Variants in YWHAZ observed in about 807,000 individuals in gnomAD.
YWHAZ encodes the protein tyrosine 3-monooxygenase/tryptophan 5-monooxygenase activation protein zeta.
For synonymous variants in YWHAZ, 87 were observed against 103.6 expected (o/e 0.84, Z 0.97); for missense variants, 79 against 284.8 (o/e 0.28, Z 5.20).
intron 5 of YWHAZ, among the ~76,000 whole-genome samples, chr8:100,921,265 G>A (rs1253325247): frequency 3.9e-5 from 6 of 152,090 alleles, no homozygotes; most frequent in Admixed American, 6.6e-5. Flanking sequence ...ATCTGATCTC[G>A]TGATCCACCC....
At chr8:100,938,077 C>G (rs1029866265) in intron 2 of YWHAZ, among the ~76,000 whole-genome samples, 1 of 152,160 alleles carries the variant, frequency 6.6e-6, no homozygotes, top group Admixed American at 6.5e-5. Flanking sequence ...TTGCGGTGAG[C>G]CAAGATCATG....
intron 5 of YWHAZ, 139 bp downstream of exon 5, chr8:100,923,816 T>G: frequency 5.1e-6 from 3 of 587,754 alleles, no homozygotes; most frequent in Non-Finnish European, 8.6e-6. Flanking sequence ...TAATAGTAGC[T>G]GAGATATATT....
At chr8:100,949,025 T>G (rs1810511651) in intron 1 of YWHAZ, 125 bp from the exon 2 acceptor site, 1 of 1,151,758 alleles carries the variant, frequency 8.7e-7, no homozygotes, top group Non-Finnish European at 1.2e-6. Flanking sequence ...ACTGTTCACA[T>G]GAGGAATTAA....
chr8:100,933,522 A>G (rs1457528755), intron 2 of YWHAZ, among the ~76,000 whole-genome samples: 1 of 152,162 alleles, frequency 6.6e-6, no homozygotes, highest in South Asian at 2.1e-4. Context: ...TCGTACCTCA[A>G]TAAAGCTGGA....
rs1420820838 is a variant in YWHAZ at position 100,918,407 on chromosome 8, T to TA, written c.*2285_*2286insT. 78 of 68,560 alleles carry TA rather than the reference T, an allele frequency of 1.1e-3. No homozygotes were observed. Among genetic ancestry groups the TA allele is most frequent in the South Asian group, 4.7e-3 (8 of 1,692 alleles). 4.2% of individuals were successfully genotyped at this position (68,560 alleles called of 1,614,324 possible). A position where few individuals can be genotyped will look rare whatever the true frequency, so the allele number is the denominator to read the frequency against. ...CAGTCTAGCTATAAAATATAATTAC[T>TA]TTATATATATATATATATATATATA... On this transcript the variant is annotated 3_prime_UTR_variant, in exon 6 of 6. Coordinates refer to ENST00000395958, the MANE Select transcript of YWHAZ (RefSeq NM_145690.3).
rs1814088739 is a variant in YWHAZ at position 100,935,573 on chromosome 8, A to G, written c.295-10534T>C. Among the ~76,000 whole-genome samples, 3 of 152,212 alleles carry G rather than the reference A, an allele frequency of 2.0e-5. No homozygotes were observed. The South Asian group carries it at 6.2e-4, about 31-fold the overall frequency. The stretch of plus-strand genomic sequence containing the variant: ...TATGTGAGTGCTGAACTAAACACAT[A>G]TATTCAGAAACAGCAGCAAAGGGGC... On this transcript the variant is annotated intron_variant, in intron 2 of 5. Transcript: ENST00000395958.
chr8:100,952,046 C>T (rs1252255006), upstream of YWHAZ: 1 of 989,820 alleles, frequency 1.0e-6, no homozygotes, highest in Non-Finnish European at 1.2e-6. Flanking sequence ...TCACAGGCTA[C>T]AGCCGCTCCG....
rs909568698 is a variant in YWHAZ, at chr8:100,918,738, A to G, written c.*1955T>C. On this transcript the variant is annotated 3_prime_UTR_variant, in exon 6 of 6. Coordinates refer to ENST00000395958, the MANE Select transcript of YWHAZ (RefSeq NM_145690.3). ...CAAGACTCACTGCCTCCCATCATCAATATTTATTGAGCATTTACAGTGTAC... is the reference window on the plus strand; with the variant it reads ...CAAGACTCACTGCCTCCCATCATCAGTATTTATTGAGCATTTACAGTGTAC... 9 of 152,540 alleles carry G rather than the reference A, an allele frequency of 5.9e-5. No homozygotes were observed. The highest frequency in any genetic ancestry group is 1.9e-4 in the East Asian group (1 of 5,178). The allele number at this position is 152,540 out of a possible 1,614,324, so 9.4% of individuals were successfully genotyped here.
chr8:100,946,340 G>C (rs3134359), intron 2 of YWHAZ, among the ~76,000 whole-genome samples: 82,109 of 151,976 alleles, frequency 0.54, 22,424 homozygotes, highest in South Asian at 0.67. Context: ...AGAGTTAGAC[G>C]TGACCTGGTC....
chr8:100,923,899 G>T, intron 5 of YWHAZ, 56 bp downstream of exon 5: 1 of 1,440,006 alleles, frequency 6.9e-7, no homozygotes, highest in Non-Finnish European at 9.3e-7. Flanking sequence ...ATTCCCTAGA[G>T]TAAAACATAA....
chr8:100,944,991 T>C (rs1259835002), intron 2 of YWHAZ, among the ~76,000 whole-genome samples: 2 of 152,230 alleles, frequency 1.3e-5, no homozygotes, highest in African/African-American at 2.4e-5. Flanking sequence ...CATTTCATCA[T>C]GTGCAAGATA....
intron 2 of YWHAZ, among the ~76,000 whole-genome samples, chr8:100,929,518 A>AT (rs1485488554): frequency 6.6e-6 from 1 of 152,194 alleles, no homozygotes; most frequent in Non-Finnish European, 1.5e-5. Context: ...TTGATCTTCT[A>AT]TTTGTGTTAG....
At chr8:100,939,387 C>T (rs560442358) in intron 2 of YWHAZ, among the ~76,000 whole-genome samples, 6 of 152,244 alleles carry the variant, frequency 3.9e-5, no homozygotes, top group African/African-American at 9.6e-5. Context: ...ACGCTGGGCA[C>T]GGTGGCTCAC....
At chr8:100,942,250 A>C (rs1809922708) in intron 2 of YWHAZ, among the ~76,000 whole-genome samples, 1 of 152,220 alleles carries the variant, frequency 6.6e-6, no homozygotes, top group Non-Finnish European at 1.5e-5. Flanking sequence ...TAGAAAAAAA[A>C]ACTAGTGAAA....
chr8:100,934,641 T>C (rs1814007789), intron 2 of YWHAZ, among the ~76,000 whole-genome samples: 1 of 151,892 alleles, frequency 6.6e-6, no homozygotes, highest in South Asian at 2.1e-4. Flanking sequence ...GCAGAGGTTG[T>C]GCCATCTGCA....
At chr8:100,930,505 TCAAA>T (rs1014434991) in intron 2 of YWHAZ, among the ~76,000 whole-genome samples, 1 of 152,188 alleles carries the variant, frequency 6.6e-6, no homozygotes, top group African/African-American at 2.4e-5. Context: ...GGTTTTGAGG[TCAAA>T]CAAAATTCAA....
intron 5 of YWHAZ, among the ~76,000 whole-genome samples, chr8:100,921,286 C>T (rs190451762): frequency 1.3e-5 from 2 of 152,254 alleles, no homozygotes; most frequent in Admixed American, 6.5e-5. Context: ...ACCTCGGCCT[C>T]CCAAAGTGGT....
intron 2 of YWHAZ, among the ~76,000 whole-genome samples, chr8:100,927,662 G>C (rs983380890): frequency 6.6e-6 from 1 of 152,186 alleles, no homozygotes; most frequent in African/African-American, 2.4e-5. Context: ...AAATTTTAAA[G>C]CTGTACTAAA....
Position 100,924,895 on chromosome 8 carries a change from A to T in YWHAZ, c.418+21T>A, listed in dbSNP as rs1813258203. The T allele has an allele frequency of 6.2e-7, 1 of 1,611,164 alleles. No individual in the cohort carries two copies. The highest frequency in any genetic ancestry group is 8.5e-7 in the Non-Finnish European group (1 of 1,179,528). ...ATGTTATCTTATACAAGTTCAACCA[A>T]CAGGTTTAAAAACAGCATACCTTTC... On this transcript the variant is annotated intron_variant, in intron 3 of 5. Coordinates refer to ENST00000395958, the MANE Select transcript of YWHAZ (RefSeq NM_145690.3). This position sits in a 1 kb window ranked among gnomAD's most constrained non-coding sequence, Gnocchi z 5.7.
Sources: allele counts gnomAD v4.1 joint callset (sites outside exome capture counted in the v4.1 genomes callset), GRCh38; gene constraint gnomAD v4.1.1; non-coding constraint Gnocchi (gnomAD v3.1); transcripts MANE v1.5; gene names NCBI Gene and HGNC (gene_info 2026-07-23, HGNC 2026-07-21).